The following CPSF1 variants were observed in gnomAD, a reference collection of about 807,000 sequenced individuals.
CPSF1 encodes cleavage and polyadenylation specific factor 1.
Under a neutral mutation model 175.8 loss-of-function variants are expected in CPSF1, and 106 were observed. The observed-to-expected ratio is 0.60, with a 90% CI of 0.52 to 0.71. CPSF1 has a LOEUF of 0.71. Ranked by LOEUF, CPSF1 falls within the 30% of genes least tolerant of loss-of-function variation. The pLI is 0.00. For missense variants in CPSF1, 1,734 were observed against 2,022.9 expected, an observed-to-expected ratio of 0.86 and a Z score of 2.74; for synonymous variants, 1,024 against 858.3, an observed-to-expected ratio of 1.19 and a Z score of -3.37.
chr8:144,399,565 C>T lies in CPSF1; in HGVS notation c.1242+23G>A, dbSNP rs2116864078. ...GCAGTGCCCACATGAAGGGTGGTGG[C>T]CCAATGGGCCCAGGAAACCCACCTT... On this transcript the variant is annotated intron_variant, in intron 12 of 37. Coordinates refer to ENST00000616140, the MANE Select transcript of CPSF1 (RefSeq NM_013291.3). The surrounding 1 kb of genome is among the most constrained non-coding windows in gnomAD (Gnocchi z 6.4). 1 of 1,610,758 alleles carries T rather than the reference C, an allele frequency of 6.2e-7. No homozygotes were observed.
intron 9 of CPSF1, 31 bp downstream of exon 9, chr8:144,400,135 G>GGCCCCCCCCCC: frequency 5.9e-5 from 53 of 895,944 alleles, no homozygotes; most frequent in Non-Finnish European, 7.4e-5. Flanking sequence ...CCGTCCCCGG[G>GGCCCCCCCCCC]CCCCCCCCGC....
Position 144,394,927 on chromosome 8 carries a change from G to A in CPSF1, c.3369C>T (p.Ala1123=), listed in dbSNP as rs200276128. The change falls in exon 30 of 38, where the codon GCC becomes GCT. Residue 1123 remains alanine (A), a synonymous_variant. Coordinates refer to ENST00000616140, the MANE Select transcript of CPSF1 (RefSeq NM_013291.3). ...CCTCCCCCTGCATGAGGCAGGTCCC[G>A]GCGGCCACGTAGCCTTTGAGGCCCG... ...TVSGLKGYVA[A]GTCLMQGEEV... 3.4e-4 allele frequency: 542 copies of A among 1,612,584 alleles called. No homozygotes were observed. Among genetic ancestry groups the A allele is most frequent in the Non-Finnish European group, 4.1e-4 (488 of 1,179,892 alleles).
At chr8:144,400,135 G>GGGGGGGGGCGCGCCCCC in intron 9 of CPSF1, 31 bp downstream of exon 9, 1 of 896,012 alleles carries the variant, frequency 1.1e-6, no homozygotes, top group Non-Finnish European at 1.6e-6. Context: ...CCGTCCCCGG[G>GGGGGGGGGCGCGCCCCC]CCCCCCCCGC....
intron 2 of CPSF1, among the ~76,000 whole-genome samples, chr8:144,402,092 T>A (rs1206935732): frequency 6.6e-6 from 1 of 152,194 alleles, no homozygotes; most frequent in Non-Finnish European, 1.5e-5. Context: ...TAGCTACTGA[T>A]CTGCGTGCCT....
At chr8:144,402,280 A>C (rs554126439) in intron 2 of CPSF1, among the ~76,000 whole-genome samples, 1 of 152,190 alleles carries the variant, frequency 6.6e-6, no homozygotes, top group South Asian at 2.1e-4. Flanking sequence ...GGCAAGGGAA[A>C]AGTGGTTTTT....
chr8:144,407,615 C>G (rs782258726), intron 2 of CPSF1, among the ~76,000 whole-genome samples: 1 of 152,154 alleles, frequency 6.6e-6, no homozygotes, highest in Non-Finnish European at 1.5e-5. Context: ...ACAAGAATTG[C>G]CTGAACCCAC....
At position 144,398,624 on chromosome 8, in the gene CPSF1, C is replaced by G; in HGVS notation, c.1653G>C (p.Lys551Asn). The G allele has an allele frequency of 6.2e-7, 1 of 1,613,898 alleles. No individual in the cohort carries two copies. The highest frequency in any genetic ancestry group is 8.5e-7 in the Non-Finnish European group (1 of 1,179,998). ...TGGGTTCCTGCTCTGTGCCCTCCCC[C>G]TTGGGATTGTCCTCCTGTCAGGGCC... The part of the protein sequence containing the change: ...PVRKEEEDNP[K>N]GEGTEQEPST... The change falls in exon 18 of 38, where the codon AAG (lysine) becomes AAC (asparagine). Residue 551 changes from lysine to asparagine, a missense_variant. By Grantham distance (94) the Lys-to-Asn change is moderately conservative. Transcript: ENST00000616140.
In CPSF1 at chr8:144,399,061, G is replaced by A. The variant is rs2116857789; in HGVS notation, c.1468-23C>T. 8.3e-6 allele frequency: 13 copies of A among 1,559,656 alleles called. No individual in the cohort carries two copies. The Admixed American group carries it at 1.3e-4, about 16-fold the overall frequency. On this transcript the variant is annotated intron_variant, in intron 15 of 37. Coordinates refer to ENST00000616140, the MANE Select transcript of CPSF1 (RefSeq NM_013291.3). The surrounding 1 kb of genome is among the most constrained non-coding windows in gnomAD (Gnocchi z 6.4). ...AAACTGCACAGGACTCGGGGGTGAGGACTATGCCCCCCACCCCCCCTCACA... is the reference window on the plus strand; with the variant it reads ...AAACTGCACAGGACTCGGGGGTGAGAACTATGCCCCCCACCCCCCCTCACA...
rs2116872365 is a variant in CPSF1, at chr8:144,400,146, C to T, written c.937+20G>A. The T allele has an allele frequency of 7.9e-6, 11 of 1,387,300 alleles. 1 individual carries two copies. Among genetic ancestry groups the T allele is most frequent in the African/African-American group, 5.9e-5 (4 of 67,784 alleles). The allele number at this position is 1,387,300 out of a possible 1,614,324, so 85.9% of individuals were successfully genotyped here. ...CAAGCCGTCCCCGGGCCCCCCCCGC[C>T]CCAGCCACCCCACACTCACGAAGCG... is the stretch of plus-strand genomic sequence containing the variant. On this transcript the variant is annotated intron_variant, in intron 9 of 37. Coordinates refer to ENST00000616140, the MANE Select transcript of CPSF1 (RefSeq NM_013291.3).
At chr8:144,407,867 G>A (rs2116909550) in intron 2 of CPSF1, among the ~76,000 whole-genome samples, 3 of 152,248 alleles carry the variant, frequency 2.0e-5, no homozygotes, top group African/African-American at 4.8e-5. Flanking sequence ...TACAGGACTC[G>A]CCGTGGCTTC....
intron 32 of CPSF1, 31 bp downstream of exon 32, chr8:144,394,348 C>A: frequency 1.3e-6 from 2 of 1,589,740 alleles, no homozygotes; most frequent in Non-Finnish European, 1.7e-6. Flanking sequence ...GGGTACCCAC[C>A]CAGACACGAG....
At chr8:144,404,094 G>A (rs1821364972) in intron 2 of CPSF1, among the ~76,000 whole-genome samples, 1 of 151,348 alleles carries the variant, frequency 6.6e-6, no homozygotes, top group Non-Finnish European at 1.5e-5. Context: ...GTGGTGGCAG[G>A]TGCCTGTAGT....
chr8:144,409,216 C>T, intron 1 of CPSF1, 44 bp from the exon 2 acceptor site: 2 of 1,461,866 alleles, frequency 1.4e-6, no homozygotes, highest in South Asian at 2.8e-5. Flanking sequence ...GTCGCCCACG[C>T]AGGAGCCCGG....
At position 144,396,401 on chromosome 8, in the gene CPSF1, C is replaced by T. The variant is rs782081187; in HGVS notation, c.2926G>A (p.Ala976Thr). ...MAIDGPVDSF[A>T]PFHNVNCPRG... ...GGACAGTTGACATTGTGGAATGGAGCGAAAGAGTCGACCGGGCCGTCGATG... is the reference window on the plus strand; with the variant it reads ...GGACAGTTGACATTGTGGAATGGAGTGAAAGAGTCGACCGGGCCGTCGATG... Residue 976 changes from alanine (A) to threonine (T), a missense_variant, in exon 26 of 38, where the codon GCT becomes ACT. Ala to Thr is a moderately conservative substitution (Grantham distance 58, BLOSUM62 0). Around this residue, in one of 10 missense-constraint regions of CPSF1, gnomAD observed 585 missense variants for 584.7 expected, o/e 1.00. Transcript: ENST00000616140. 6.3e-6 allele frequency: 10 copies of T among 1,589,926 alleles called. 1 individual carries two copies. Among genetic ancestry groups the T allele is most frequent in the South Asian group, 2.3e-5 (2 of 88,262 alleles).
intron 36 of CPSF1, 21 bp downstream of exon 36, chr8:144,393,646 G>A (rs781843073): frequency 4.5e-6 from 7 of 1,571,714 alleles, no homozygotes; most frequent in South Asian, 2.3e-5. Context: ...GGTGCTGCAC[G>A]GGGGCGGGGC....
rs2116868330 is a variant in CPSF1 at position 144,399,954 on chromosome 8, C to A, written c.1031+38G>T. 9.9e-6 allele frequency: 12 copies of A among 1,215,704 alleles called. No individual in the cohort carries two copies. Among genetic ancestry groups the A allele is most frequent in the Non-Finnish European group, 1.3e-5 (12 of 929,824 alleles). 75.3% of individuals were successfully genotyped at this position (1,215,704 alleles called of 1,614,324 possible). A position where few individuals can be genotyped will look rare whatever the true frequency, so the allele number is the denominator to read the frequency against. On this transcript the variant is annotated intron_variant, in intron 10 of 37. Coordinates refer to ENST00000616140, the MANE Select transcript of CPSF1 (RefSeq NM_013291.3). This position sits in a 1 kb window ranked among gnomAD's most constrained non-coding sequence, Gnocchi z 6.4. ...GGGACCCTACAGGACTTGTGGGGGG[C>A]GGTGTGGGCAGAGTTCATGGGCGGG...
chr8:144,401,850 C>T (rs1821226805), intron 2 of CPSF1, among the ~76,000 whole-genome samples, 177 bp from the exon 3 acceptor site: 1 of 152,168 alleles, frequency 6.6e-6, no homozygotes, highest in South Asian at 2.1e-4. Context: ...CCACAGCGAC[C>T]CCCATTCACG....
In CPSF1 at chr8:144,400,159, C is replaced by T. The variant is rs2116872861; in HGVS notation, c.937+7G>A. On this transcript the variant is annotated splice_region_variant and intron_variant, in intron 9 of 37. Transcript: ENST00000616140. Reference sequence around the variant, plus strand: ...GGCCCCCCCCGCCCCAGCCACCCCACACTCACGAAGCGGGAAAGCCGTGGT... The same window carrying T: ...GGCCCCCCCCGCCCCAGCCACCCCATACTCACGAAGCGGGAAAGCCGTGGT... The T allele has an allele frequency of 5.8e-6, 9 of 1,549,318 alleles. No homozygotes were observed. The highest frequency in any genetic ancestry group is 1.2e-5 in the South Asian group (1 of 83,704).
rs1379358312 is a variant in CPSF1 at position 144,396,876 on chromosome 8, C to G, written c.2646G>C (p.Gln882His). Residue 882 changes from glutamine (Q) to histidine (H), a missense_variant, in exon 24 of 38, where the codon CAG becomes CAC. Physicochemically the swap from Gln to His is conservative, Grantham distance 24. Coordinates refer to ENST00000616140, the MANE Select transcript of CPSF1 (RefSeq NM_013291.3). ...LIYEAFPHDS[Q>H]LGQGNLKVRF... ...GGACTTTGAGATTGCCCTGGCCGAG[C>G]TGAGAGTCGTGGGGGAAGGCCTCGT... The G allele has an allele frequency of 5.6e-6, 9 of 1,613,876 alleles. No homozygotes were observed. The highest frequency in any genetic ancestry group is 7.6e-6 in the Non-Finnish European group (9 of 1,179,994).
Sources: gnomAD v4.1 joint callset for allele counts (sites outside exome capture counted in the v4.1 genomes callset) on GRCh38, gnomAD v4.1.1 for gene constraint, gnomAD v4.1.1 regional missense constraint, Gnocchi (gnomAD v3.1) non-coding constraint, MANE v1.5 for transcripts, NCBI Gene and HGNC (gene_info 2026-07-23, HGNC 2026-07-21) for gene names.